Variants in CRIM1 observed in about 807,000 individuals in gnomAD.
CRIM1 encodes the protein cysteine rich transmembrane BMP regulator 1, also known as cysteine-rich motor neuron 1 protein.
Under a neutral mutation model 116.4 loss-of-function variants are expected in CRIM1, and 32 were observed. The observed-to-expected ratio is 0.27, with a 90% CI of 0.21 to 0.37. The LOEUF is 0.37. CRIM1 is among the 10% of genes least tolerant of loss of function. The pLI, the probability that CRIM1 is intolerant of heterozygous loss-of-function variation, is 1.00. For synonymous variants in CRIM1, 590 were observed against 509.2 expected, an observed-to-expected ratio of 1.16 and a Z score of -2.13; for missense variants, 1,331 against 1,354.8, an observed-to-expected ratio of 0.98 and a Z score of 0.28.
intron 1 of CRIM1, among the ~76,000 whole-genome samples, chr2:36,370,040 T>C (rs765210119): frequency 9.2e-5 from 14 of 152,214 alleles, no homozygotes; most frequent in Non-Finnish European, 1.9e-4. Context: ...AATGACTTCT[T>C]AATAAAAGGT....
Position 36,547,114 on chromosome 2 carries a change from C to A in CRIM1, c.2877C>A (p.Phe959Leu). 6.2e-7 allele frequency: 1 copy of A among 1,613,026 alleles called. No homozygotes were observed. The highest frequency in any genetic ancestry group is 8.5e-7 in the Non-Finnish European group (1 of 1,179,196). Residue 959 changes from phenylalanine (F) to leucine (L), a missense_variant, in exon 16 of 17, where the codon TTC becomes TTA. Phe to Leu is a conservative substitution (Grantham distance 22). Transcript: ENST00000280527. Reference sequence around the variant, plus strand: ...TCTCTATTATAATAGCATTCCTATTCATCAATCAGAAGAAACAGTGGATAC... The same window carrying A: ...TCTCTATTATAATAGCATTCCTATTAATCAATCAGAAGAAACAGTGGATAC... ...ICLSIIIAFL[F>L]INQKKQWIPL...
At chr2:36,417,413 G>A (rs969077742) in intron 2 of CRIM1, among the ~76,000 whole-genome samples, 1 of 152,146 alleles carries the variant, frequency 6.6e-6, no homozygotes, top group Non-Finnish European at 1.5e-5. Flanking sequence ...CAAAGCTAAG[G>A]TGGTTCATGG....
At chr2:36,489,639 C>G (rs930503519) in intron 7 of CRIM1, among the ~76,000 whole-genome samples, 1 of 152,276 alleles carries the variant, frequency 6.6e-6, no homozygotes, top group Non-Finnish European at 1.5e-5. Flanking sequence ...TCCCTGACTT[C>G]CTAACACTGA....
At chr2:36,449,593 G>T (rs1004645399) in intron 4 of CRIM1, among the ~76,000 whole-genome samples, 1 of 152,112 alleles carries the variant, frequency 6.6e-6, no homozygotes, top group South Asian at 2.1e-4. Context: ...TGTCTGGCTC[G>T]GTTTTCCAGT....
intron 1 of CRIM1, among the ~76,000 whole-genome samples, chr2:36,368,430 A>G (rs1018307869): frequency 6.6e-6 from 1 of 152,222 alleles, no homozygotes; most frequent in Middle Eastern, 3.2e-3. Flanking sequence ...CTTCCTTTGC[A>G]TGTTGTCCAG....
At chr2:36,406,015 T>A (rs1008457898) in intron 2 of CRIM1, among the ~76,000 whole-genome samples, 1 of 152,244 alleles carries the variant, frequency 6.6e-6, no homozygotes, top group African/African-American at 2.4e-5. Context: ...TCTAAAACTT[T>A]ATGTCTATGG....
At chr2:36,495,024 C>A (rs1223799580) in intron 7 of CRIM1, among the ~76,000 whole-genome samples, 1 of 152,138 alleles carries the variant, frequency 6.6e-6, no homozygotes, top group African/African-American at 2.4e-5. Context: ...TTGAAAGAGG[C>A]CTACTAACAC....
intron 3 of CRIM1, 38 bp downstream of exon 3, chr2:36,441,538 G>A: frequency 6.3e-7 from 1 of 1,596,824 alleles, no homozygotes; most frequent in Non-Finnish European, 8.5e-7. Context: ...TTGTTCCTTT[G>A]CATCAGAGGG....
Position 36,376,348 on chromosome 2 carries a change from G to A in CRIM1, c.331+19725G>A, listed in dbSNP as rs1055553249. 2.6e-5 allele frequency among the ~76,000 whole-genome samples: 4 copies of A among 152,338 alleles called. No individual in the cohort carries two copies. The East Asian group carries it at 5.8e-4, about 22-fold the overall frequency. On this transcript the variant is annotated intron_variant, in intron 1 of 16. Transcript: ENST00000280527. Reference sequence around the variant, plus strand: ...TCCTTGCTCTACAGTAGATAGTGAAGCCTCCGTGACCTGTGTAAGCTGCAG... The same window carrying A: ...TCCTTGCTCTACAGTAGATAGTGAAACCTCCGTGACCTGTGTAAGCTGCAG...
chr2:36,420,455 T>C (rs1011995509), intron 2 of CRIM1, among the ~76,000 whole-genome samples: 3 of 152,182 alleles, frequency 2.0e-5, no homozygotes, highest in African/African-American at 7.2e-5. Context: ...ATCCTGTTAC[T>C]TTATTGTCTC....
At chr2:36,543,732 A>G (rs1401598539) in intron 14 of CRIM1, among the ~76,000 whole-genome samples, 2 of 147,992 alleles carry the variant, frequency 1.4e-5, no homozygotes, top group Admixed American at 6.6e-5. Flanking sequence ...GATAAATAAT[A>G]TTCTTCTGTT....
chr2:36,388,648 A>G (rs1277161026), intron 1 of CRIM1, among the ~76,000 whole-genome samples: 1 of 152,128 alleles, frequency 6.6e-6, no homozygotes, highest in East Asian at 1.9e-4. Flanking sequence ...CCATTACACC[A>G]TCCCCCTCTG....
intron 8 of CRIM1, among the ~76,000 whole-genome samples, chr2:36,506,578 A>G (rs1681445346): frequency 6.6e-6 from 1 of 152,032 alleles, no homozygotes; most frequent in Non-Finnish European, 1.5e-5. Flanking sequence ...TTTTTCCAGA[A>G]TGAACAGAGT....
intron 6 of CRIM1, 135 bp downstream of exon 6, chr2:36,477,206 C>G (rs1679053364): frequency 1.5e-6 from 1 of 685,208 alleles, no homozygotes; most frequent in Non-Finnish European, 2.4e-6. Flanking sequence ...TTTAAGACAC[C>G]ATGGTCTGTC....
At position 36,356,337 on chromosome 2, in the gene CRIM1, C is replaced by A; in HGVS notation, c.45C>A (p.His15Gln). 1 of 1,587,846 alleles carries A rather than the reference C, an allele frequency of 6.3e-7. No homozygotes were observed. The highest frequency in any genetic ancestry group is 8.5e-7 in the Non-Finnish European group (1 of 1,169,788). The change falls in exon 1 of 17, where the codon CAC becomes CAA. Residue 15 changes from histidine (H) to glutamine (Q), a missense_variant. This residue lies in a region of CRIM1 where 690 missense variants were observed against 676.0 expected (regional missense o/e 1.02). Transcript: ENST00000280527. This position sits in a 1 kb window ranked among gnomAD's most constrained non-coding sequence, Gnocchi z 4.3. ...AGDRGLAGCGHLLVSLLGLLL... is the reference protein window; with the variant it reads ...AGDRGLAGCGQLLVSLLGLLL... Reference sequence around the variant, plus strand: ...ACAGGGGGTTGGCCGGCTGCGGGCACCTCCTGGTCTCGCTGCTGGGGCTGC... The same window carrying A: ...ACAGGGGGTTGGCCGGCTGCGGGCAACTCCTGGTCTCGCTGCTGGGGCTGC...
chr2:36,532,112 C>G (rs1666160668), intron 13 of CRIM1: 1 of 400,212 alleles, frequency 2.5e-6, no homozygotes, highest in African/African-American at 2.1e-5. Context: ...CCGATCTAAA[C>G]CAAGGTGTAA....
At chr2:36,437,766 C>T (rs1675432217) in intron 2 of CRIM1, among the ~76,000 whole-genome samples, 1 of 152,116 alleles carries the variant, frequency 6.6e-6, no homozygotes, top group African/African-American at 2.4e-5. Context: ...GACATAAATC[C>T]ATCTCTTCAG....
intron 2 of CRIM1, among the ~76,000 whole-genome samples, chr2:36,409,166 A>G (rs1295708020): frequency 2.0e-5 from 3 of 152,220 alleles, no homozygotes; most frequent in Non-Finnish European, 4.4e-5. Flanking sequence ...TTGAAGGTTA[A>G]TAGAGCTAAC....
At chr2:36,519,159 C>G (rs1467680749) in intron 12 of CRIM1, among the ~76,000 whole-genome samples, 2 of 152,128 alleles carry the variant, frequency 1.3e-5, no homozygotes, top group African/African-American at 4.8e-5. Context: ...GGAGGAAATG[C>G]CTCCAGGACC....
Sources: gnomAD v4.1 joint callset for allele counts (sites outside exome capture counted in the v4.1 genomes callset) on GRCh38, gnomAD v4.1.1 for gene constraint, gnomAD v4.1.1 regional missense constraint, Gnocchi (gnomAD v3.1) non-coding constraint, MANE v1.5 for transcripts, NCBI Gene and HGNC (gene_info 2026-07-23, HGNC 2026-07-21) for gene names.